Variants in ANKRD27 observed in about 807,000 individuals in gnomAD.
ANKRD27 encodes ankyrin repeat domain-containing protein 27.
ANKRD27 carries 112 observed loss-of-function variants against 129.7 expected under a neutral mutation model. That is an observed-to-expected ratio of 0.86 (90% CI 0.74 to 1.01). The LOEUF is 1.01. Ranked by LOEUF, ANKRD27 falls within the 50% of genes least tolerant of loss-of-function variation. The probability of loss-of-function intolerance (pLI) is 0.00; values close to 1 mark genes in which losing one functional copy is unlikely to be tolerated. For missense variants in ANKRD27, 1,258 were observed against 1,300.5 expected (o/e 0.97, Z 0.50); for synonymous variants, 516 against 511.2 (o/e 1.01, Z -0.13).
intron 21 of ANKRD27, among the ~76,000 whole-genome samples, chr19:32,616,051 G>C (rs753592191): frequency 1.4e-4 from 22 of 152,140 alleles, no homozygotes; most frequent in Admixed American, 3.3e-4. Context: ...TCTAGTCCTA[G>C]GGCTGGGCGC....
At chr19:32,660,016 C>T (rs373298651) in intron 1 of ANKRD27, among the ~76,000 whole-genome samples, 13 of 152,166 alleles carry the variant, frequency 8.5e-5, no homozygotes, top group African/African-American at 2.7e-4. Flanking sequence ...CCCAGCCACT[C>T]GGGAGGCTAA....
rs1444592534 is a variant in ANKRD27 at position 32,656,087 on chromosome 19, GAAAGAAAGAAAGAAAGAAA to G, written c.102+2808_102+2826del. ...AGAAAGAAAGAAAGAAAGAAAGAAAGAAAGAAAGAAAGAAAGAAAGAAAAGAAAAGAAAAGAAAAGAAAA... is the reference window on the plus strand; with the variant it reads ...AGAAAGAAAGAAAGAAAGAAAGAAAGGAAAAGAAAAGAAAAGAAAAGAAAA... On this transcript the variant is annotated intron_variant, in intron 2 of 28. Coordinates refer to ENST00000306065, the MANE Select transcript of ANKRD27 (RefSeq NM_032139.3). Among the ~76,000 whole-genome samples, 8 of 121,842 alleles carry G rather than the reference GAAAGAAAGAAAGAAAGAAA, an allele frequency of 6.6e-5. No homozygotes were observed. The East Asian group carries it at 1.5e-3, about 23-fold the overall frequency. The allele number at this position is 121,842 out of a possible 152,430, so 79.9% of individuals were successfully genotyped here.
rs1225842647 is a variant in ANKRD27, at chr19:32,607,672, A to AC, written c.2335dup (p.Val779GlyfsTer27). On this transcript the variant is annotated frameshift_variant, in exon 23 of 29. Transcript: ENST00000306065. LOFTEE classifies it high-confidence loss of function. ...CTGCTGGCAGGCCAGGTGGAGCGGG[A>AC]CGGCTTGGTCTGCGTTCCTGGCACC... is the stretch of plus-strand genomic sequence containing the variant. 1.2e-6 allele frequency: 2 copies of AC among 1,611,964 alleles called. No homozygotes were observed. The highest frequency in any genetic ancestry group is 1.7e-6 in the Non-Finnish European group (2 of 1,179,656).
At chr19:32,622,019 G>A (rs533024802) in intron 18 of ANKRD27, among the ~76,000 whole-genome samples, 22 of 152,184 alleles carry the variant, frequency 1.4e-4, no homozygotes, top group African/African-American at 5.3e-4. Flanking sequence ...AACCACACTC[G>A]ATGTCCAGAA....
chr19:32,674,517 C>G (rs1028994854), intron 1 of ANKRD27, among the ~76,000 whole-genome samples: 1 of 152,206 alleles, frequency 6.6e-6, no homozygotes, highest in South Asian at 2.1e-4. Flanking sequence ...TCCGGAACAT[C>G]TCTCGGTGCT....
At position 32,602,810 on chromosome 19, in the gene ANKRD27, C is replaced by T. The variant is rs145464407; in HGVS notation, c.2656-684G>A. Among the ~76,000 whole-genome samples, 603 of 151,874 alleles carry T rather than the reference C, an allele frequency of 4.0e-3. 4 individuals are homozygous for T. Among genetic ancestry groups the T allele is most frequent in the African/African-American group, 0.011 (439 of 41,448 alleles). On this transcript the variant is annotated intron_variant, in intron 25 of 28. Transcript: ENST00000306065. ...GAGGCTGAGGTTGGAGGATCATCTG[C>T]GCCCAAAGGTTAAGGCTGCAGTGAG...
intron 1 of ANKRD27, among the ~76,000 whole-genome samples, chr19:32,668,960 T>C (rs1967813856): frequency 6.6e-6 from 1 of 152,076 alleles, no homozygotes; most frequent in Admixed American, 6.6e-5. Flanking sequence ...GACTCAAGGA[T>C]AAATAAGAGC....
chr19:32,662,869 C>T (rs1308952529), intron 1 of ANKRD27, among the ~76,000 whole-genome samples: 1 of 151,990 alleles, frequency 6.6e-6, no homozygotes, highest in Non-Finnish European at 1.5e-5. Flanking sequence ...ATGGTGAAAC[C>T]CCGTCTCTAC....
rs888861799 is a variant in ANKRD27, at chr19:32,649,926, G to A, written c.103-134C>T. 16 of 669,564 alleles carry A rather than the reference G, an allele frequency of 2.4e-5. No homozygotes were observed. In the African/African-American group the frequency reaches 2.8e-4, roughly 12 times the overall value. The allele number at this position is 669,564 out of a possible 1,614,324, so 41.5% of individuals were successfully genotyped here. On this transcript the variant is annotated intron_variant, in intron 2 of 28. Transcript: ENST00000306065. ...GCAGAGAGAACGCCCGAGGTCCCTT[G>A]CCAACACGGCCACAGTGGCTGCCAG...
At position 32,659,030 on chromosome 19, in the gene ANKRD27, G is replaced by A. The variant is rs750624139; in HGVS notation, c.-15C>T. The stretch of plus-strand genomic sequence containing the variant: ...TACAGAGCCATATGGACTTCAGATG[G>A]GTCAGAGCAAATCTCCTGCAATAAG... On this transcript the variant is annotated 5_prime_UTR_variant, in exon 2 of 29. Coordinates refer to ENST00000306065, the MANE Select transcript of ANKRD27 (RefSeq NM_032139.3). 3 of 1,586,446 alleles carry A rather than the reference G, an allele frequency of 1.9e-6. No homozygotes were observed. Among genetic ancestry groups the A allele is most frequent in the African/African-American group, 1.3e-5 (1 of 74,374 alleles).
chr19:32,601,922 C>A, intron 26 of ANKRD27, 93 bp downstream of exon 26: 1 of 771,566 alleles, frequency 1.3e-6, no homozygotes, highest in Non-Finnish European at 2.2e-6. Context: ...TATAATTACA[C>A]TTTACATATA....
In ANKRD27 at chr19:32,622,471, ATC is replaced by A. The variant is rs1568403136; in HGVS notation, c.1776_1777del (p.Glu592AspfsTer87). 6.2e-7 allele frequency: 1 copy of A among 1,613,670 alleles called. No individual in the cohort carries two copies. On this transcript the variant is annotated frameshift_variant, in exon 18 of 29. Transcript: ENST00000306065. LOFTEE classifies it high-confidence loss of function. ...GGGCGTCTCCTTCAGTCTGTTCTGG[ATC>A]TCGGTGGACGCTCCGTTCTGCAGCA... is the stretch of plus-strand genomic sequence containing the variant.
At chr19:32,661,640 GCC>G (rs1174826717) in intron 1 of ANKRD27, among the ~76,000 whole-genome samples, 1 of 152,086 alleles carries the variant, frequency 6.6e-6, no homozygotes, top group Non-Finnish European at 1.5e-5. Flanking sequence ...ACTGTGCCTG[GCC>G]AGAAGTTTTG....
At chr19:32,606,264 C>T (rs925461390) in intron 23 of ANKRD27, among the ~76,000 whole-genome samples, 15 of 151,538 alleles carry the variant, frequency 9.9e-5, no homozygotes, top group Admixed American at 1.3e-4. Flanking sequence ...CTGATTCTCA[C>T]GCCTCAGCCT....
intron 12 of ANKRD27, among the ~76,000 whole-genome samples, chr19:32,633,076 T>C (rs1000123534): frequency 4.6e-5 from 7 of 152,104 alleles, no homozygotes; most frequent in Non-Finnish European, 7.3e-5. Context: ...ACATCACACA[T>C]TGTTATCCGG....
chr19:32,639,244 C>T (rs1967148066), intron 12 of ANKRD27, 112 bp downstream of exon 12: 1 of 1,318,862 alleles, frequency 7.6e-7, no homozygotes, highest in Non-Finnish European at 1.1e-6. Context: ...AGCTGAGGCC[C>T]CATTCCTGGG....
chr19:32,656,059 A>AAAAGAAAGAAAGAAAGAAAG (rs752509674), intron 2 of ANKRD27, among the ~76,000 whole-genome samples: 186 of 65,840 alleles, frequency 2.8e-3, no homozygotes, highest in East Asian at 4.7e-3. Flanking sequence ...GAAAAGAAAG[A>AAAAGAAAGAAAGAAAGAAAG]AAAGAAAGAA....
intron 13 of ANKRD27, among the ~76,000 whole-genome samples, chr19:32,629,164 A>G (rs753021679): frequency 6.6e-6 from 1 of 152,060 alleles, no homozygotes; most frequent in Non-Finnish European, 1.5e-5. Context: ...CAAGTGATCC[A>G]CCCATCTCGG....
In ANKRD27 at chr19:32,598,018, C is replaced by A; in HGVS notation, c.*127G>T. ...CCTGCCACAGAAAAGCTTTCAGGAA[C>A]TTGGTGCTGAAGACTTCTCAAGCCA... On this transcript the variant is annotated 3_prime_UTR_variant, in exon 29 of 29. Transcript: ENST00000306065. 1 of 817,706 alleles carries A rather than the reference C, an allele frequency of 1.2e-6. No homozygotes were observed. Among genetic ancestry groups the A allele is most frequent in the Non-Finnish European group, 1.9e-6 (1 of 514,988 alleles). The allele number at this position is 817,706 out of a possible 1,614,324, so 50.7% of individuals were successfully genotyped here.
Sources: gnomAD v4.1 joint callset for allele counts (sites outside exome capture counted in the v4.1 genomes callset) on GRCh38, gnomAD v4.1.1 for gene constraint, MANE v1.5 for transcripts, NCBI Gene and HGNC (gene_info 2026-07-23, HGNC 2026-07-21) for gene names.